Variants in DENND5A observed in about 807,000 individuals in gnomAD.
The protein encoded by DENND5A is DENN domain-containing protein 5A.
In DENND5A, 64 loss-of-function variants were observed where a neutral mutation model predicts 140.3. The ratio of observed to expected loss-of-function variants is 0.46; its 90% CI spans 0.37 to 0.56. The LOEUF is 0.56. Among genes scored for constraint, DENND5A ranks in the 20% least tolerant of loss-of-function variants. The probability of loss-of-function intolerance (pLI) is 0.00; values close to 1 mark genes in which losing one functional copy is unlikely to be tolerated. For synonymous variants in DENND5A, 605 were observed against 607.7 expected, an observed-to-expected ratio of 1.00 and a Z score of 0.07; for missense variants, 1,292 against 1,593.8, an observed-to-expected ratio of 0.81 and a Z score of 3.22.
At chr11:9,238,941 C>T (rs1350704962) in intron 1 of DENND5A, among the ~76,000 whole-genome samples, 2 of 151,532 alleles carry the variant, frequency 1.3e-5, no homozygotes, top group African/African-American at 4.9e-5. Flanking sequence ...AGACGATCCT[C>T]CTGCCTCAGC....
intron 1 of DENND5A, among the ~76,000 whole-genome samples, chr11:9,262,402 A>G (rs1852244355): frequency 6.6e-6 from 1 of 152,180 alleles, no homozygotes; most frequent in African/African-American, 2.4e-5. Flanking sequence ...CCACCACCTT[A>G]GTTTCTTTTA....
Position 9,213,672 on chromosome 11 carries a change from T to C in DENND5A, c.110-6040A>G, listed in dbSNP as rs569926615. Among the ~76,000 whole-genome samples, 496 of 151,560 alleles carry C rather than the reference T, an allele frequency of 3.3e-3. 1 individual carries two copies. Among genetic ancestry groups the C allele is most frequent in the Non-Finnish European group, 5.8e-3 (391 of 67,860 alleles). On this transcript the variant is annotated intron_variant, in intron 1 of 22. Coordinates refer to ENST00000328194, the MANE Select transcript of DENND5A (RefSeq NM_015213.4). ...AAACACAAAAATTAGCCAGGCATGG[T>C]GGCAGGTGCTTGTAATCACAGCTAC... is the stretch of plus-strand genomic sequence containing the variant.
intron 5 of DENND5A, among the ~76,000 whole-genome samples, chr11:9,193,292 T>G (rs2136195318): frequency 6.6e-6 from 1 of 152,336 alleles, no homozygotes; most frequent in East Asian, 1.9e-4. Context: ...ATATGTCAGT[T>G]GATAAAGATA....
At chr11:9,220,848 G>A (rs1476612320) in intron 1 of DENND5A, among the ~76,000 whole-genome samples, 1 of 151,680 alleles carries the variant, frequency 6.6e-6, no homozygotes, top group Non-Finnish European at 1.5e-5. Context: ...AGCTGAGATC[G>A]CACCACTGCA....
chr11:9,142,832 G>A lies in DENND5A; in HGVS notation c.3401C>T (p.Thr1134Met), dbSNP rs370059691. Residue 1134 changes from threonine (T) to methionine (M), a missense_variant, in exon 21 of 23, where the codon ACG becomes ATG. Transcript: ENST00000328194. ...HKPEKERGSL[T>M]LLLCGECGLV... ...GCCACACTCTCCACAGAGCAACAGC[G>A]TCAGACTGCCTCGCTACGTAAGGAA... 16 of 1,613,980 alleles carry A rather than the reference G, an allele frequency of 9.9e-6. No individual in the cohort carries two copies. The Admixed American group carries it at 1.2e-4, about 12-fold the overall frequency.
At chr11:9,259,545 G>A (rs1199461605) in intron 1 of DENND5A, among the ~76,000 whole-genome samples, 12 of 151,688 alleles carry the variant, frequency 7.9e-5, no homozygotes, top group Non-Finnish European at 1.3e-4. Flanking sequence ...CAGCCTGGGC[G>A]ACAGAGTGAG....
At chr11:9,260,701 A>G (rs1479458179) in intron 1 of DENND5A, among the ~76,000 whole-genome samples, 1 of 152,220 alleles carries the variant, frequency 6.6e-6, no homozygotes, top group Non-Finnish European at 1.5e-5. Context: ...CCTTGCACAA[A>G]AAACAACTAC....
intron 3 of DENND5A, 35 bp from the exon 4 acceptor site, chr11:9,204,352 C>T: frequency 1.3e-6 from 2 of 1,575,430 alleles, no homozygotes; most frequent in Non-Finnish European, 1.7e-6. Flanking sequence ...GCAGTGAGAA[C>T]ACTCACTGGC....
chr11:9,186,918 TAAAAACACAAAAAAA>T (rs1848933316), intron 5 of DENND5A, among the ~76,000 whole-genome samples: 1 of 151,988 alleles, frequency 6.6e-6, no homozygotes, highest in African/African-American at 2.4e-5. Context: ...CCGTCTCTAC[TAAAAACACAAAAAAA>T]ATTAGCCAGG....
chr11:9,175,161 A>C (rs930173847), intron 8 of DENND5A: 25 of 152,202 alleles, frequency 1.6e-4, no homozygotes, highest in African/African-American at 5.5e-4. Context: ...AAATGCTATT[A>C]TAGTTCTATA....
intron 1 of DENND5A, among the ~76,000 whole-genome samples, chr11:9,248,105 C>T (rs1174262534): frequency 6.6e-6 from 1 of 152,088 alleles, no homozygotes; most frequent in African/African-American, 2.4e-5. Context: ...CATCAGGCCT[C>T]TCGAGTACCT....
chr11:9,207,301 T>G (rs1364479997), intron 2 of DENND5A: 8 of 505,486 alleles, frequency 1.6e-5, no homozygotes, highest in South Asian at 1.1e-4. Context: ...AATTCAGAAT[T>G]ACTTGAAATT....
At chr11:9,182,508 TCTC>T (rs1354192030) in intron 5 of DENND5A, among the ~76,000 whole-genome samples, 1 of 152,150 alleles carries the variant, frequency 6.6e-6, no homozygotes, top group Non-Finnish European at 1.5e-5. Flanking sequence ...CATCTACTCT[TCTC>T]CTCTTTAGCG....
Position 9,265,124 on chromosome 11 carries a change from C to A in DENND5A, c.-55G>T, listed in dbSNP as rs865969127. 25,214 of 1,077,684 alleles carry A rather than the reference C, an allele frequency of 0.023. 374 individuals are homozygous for A. The highest frequency in any genetic ancestry group is 0.06 in the Middle Eastern group (155 of 2,604). 66.8% of individuals were successfully genotyped at this position (1,077,684 alleles called of 1,614,324 possible). ...GCGGAGCGGCACCGAGCCCCCGCAA[C>A]CCGGGCGCCCGCCCGTCCGCCCTCA... On this transcript the variant is annotated 5_prime_UTR_variant, in exon 1 of 23. Transcript: ENST00000328194. This position sits in a 1 kb window ranked among gnomAD's most constrained non-coding sequence, Gnocchi z 4.7.
intron 5 of DENND5A, among the ~76,000 whole-genome samples, chr11:9,189,877 T>G (rs1849056143): frequency 6.6e-6 from 1 of 152,164 alleles, no homozygotes; most frequent in African/African-American, 2.4e-5. Context: ...CGACCTCAGG[T>G]GATCCACCTG....
chr11:9,201,986 A>T (rs1483675170), intron 4 of DENND5A, among the ~76,000 whole-genome samples: 1 of 152,222 alleles, frequency 6.6e-6, no homozygotes, highest in Non-Finnish European at 1.5e-5. Context: ...ACAAAATGAC[A>T]TCATATGCCT....
At chr11:9,181,238 C>G (rs1441370182) in intron 5 of DENND5A, among the ~76,000 whole-genome samples, 154 bp from the exon 6 acceptor site, 1 of 152,138 alleles carries the variant, frequency 6.6e-6, no homozygotes, top group Non-Finnish European at 1.5e-5. Context: ...AGAAATAAGA[C>G]AGACTTGAGT....
In DENND5A at chr11:9,142,246, G is replaced by A. The variant is rs1847271147; in HGVS notation, c.3512-138C>T. On this transcript the variant is annotated intron_variant, in intron 21 of 22. Coordinates refer to ENST00000328194, the MANE Select transcript of DENND5A (RefSeq NM_015213.4). ...ATAGCACAAGTGTTCTGATGTCACT[G>A]GTCATGTTTCAAAATGATCCTTAGC... 3 of 612,010 alleles carry A rather than the reference G, an allele frequency of 4.9e-6. No homozygotes were observed. The African/African-American group carries it at 5.7e-5, about 12-fold the overall frequency. The allele number at this position is 612,010 out of a possible 1,614,324, so 37.9% of individuals were successfully genotyped here. A position where few individuals can be genotyped will look rare whatever the true frequency, so the allele number is the denominator to read the frequency against.
At position 9,169,922 on chromosome 11, in the gene DENND5A, C is replaced by A; in HGVS notation, c.2085G>T (p.Gln695His). The A allele has an allele frequency of 1.9e-6, 3 of 1,613,788 alleles. No individual in the cohort carries two copies. The highest frequency in any genetic ancestry group is 2.5e-6 in the Non-Finnish European group (3 of 1,179,692). Residue 695 changes from glutamine (Q) to histidine (H), a missense_variant, in exon 10 of 23, where the codon CAG (glutamine) becomes CAT (histidine). Physicochemically the swap from Gln to His is conservative, Grantham distance 24. Transcript: ENST00000328194. ...NKWTKRNAPA[Q>H]WRRKDRQKQH... ...GCTTCTGCCGATCTTTCCGCCTCCA[C>A]TGGGCAGGGGCATTCCTTTTCGTCC...
Sources: gnomAD v4.1 joint callset for allele counts (sites outside exome capture counted in the v4.1 genomes callset) on GRCh38, gnomAD v4.1.1 for gene constraint, Gnocchi (gnomAD v3.1) non-coding constraint, MANE v1.5 for transcripts, NCBI Gene and HGNC (gene_info 2026-07-23, HGNC 2026-07-21) for gene names.